The following SRD5A1 variants were observed in gnomAD, a reference collection of about 807,000 sequenced individuals.
SRD5A1 encodes 3-oxo-5-alpha-steroid 4-dehydrogenase 1.
SRD5A1 carries 22 observed loss-of-function variants against 28.2 expected under a neutral mutation model. That is an observed-to-expected ratio of 0.78 (90% CI 0.56 to 1.12). The LOEUF is 1.12. Among genes scored for constraint, SRD5A1 ranks in the 50% most tolerant of loss-of-function variants. SRD5A1 has a pLI of 0.00. For missense variants in SRD5A1, 300 were observed against 346.7 expected (o/e 0.87, Z 1.07); for synonymous variants, 151 against 135.0 (o/e 1.12, Z -0.82).
At chr5:6,661,647 G>A (rs1355930430) in intron 3 of SRD5A1, among the ~76,000 whole-genome samples, 4 of 150,120 alleles carry the variant, frequency 2.7e-5, no homozygotes, top group East Asian at 4.0e-4. Flanking sequence ...ATTCTCATGC[G>A]TCAGCCTCCC....
At chr5:6,638,954 A>G (rs750847708) in intron 1 of SRD5A1, among the ~76,000 whole-genome samples, 1 of 152,254 alleles carries the variant, frequency 6.6e-6, no homozygotes, top group Non-Finnish European at 1.5e-5. Flanking sequence ...ACATTTAAAA[A>G]TTATTAAATC....
Position 6,668,203 on chromosome 5 carries a change from TG to T in SRD5A1, c.717del (p.Trp239CysfsTer16). ...CCTTTTTTAATTTTTTTTTCTTAGG[TG>T]GTACCTCCGGAAATTTGAAGAGTAT... ...LSGRAKEHHE[W>X]YLRKFEEYPK... is the part of the protein sequence containing the mutation. On this transcript the variant is annotated frameshift_variant and splice_region_variant, in exon 5 of 5. Coordinates refer to ENST00000274192, the MANE Select transcript of SRD5A1 (RefSeq NM_001047.4). LOFTEE classifies it high-confidence loss of function. The T allele has an allele frequency of 6.4e-7, 1 of 1,568,532 alleles. No individual in the cohort carries two copies. Among genetic ancestry groups the T allele is most frequent in the South Asian group, 1.2e-5 (1 of 83,964 alleles).
chr5:6,639,219 G>A (rs1176938205), intron 1 of SRD5A1, among the ~76,000 whole-genome samples: 2 of 152,168 alleles, frequency 1.3e-5, no homozygotes, highest in South Asian at 2.1e-4. Context: ...CTTGCAAGAC[G>A]ACAAAACCCA....
chr5:6,660,340 G>A (rs248799), intron 3 of SRD5A1, among the ~76,000 whole-genome samples: 1 of 152,150 alleles, frequency 6.6e-6, no homozygotes, highest in South Asian at 2.1e-4. Context: ...AAGAGAGAAG[G>A]TTCACTGAGC....
chr5:6,668,217 A>G lies in SRD5A1; in HGVS notation c.729A>G (p.Lys243=), dbSNP rs776773799. 2.5e-6 allele frequency: 4 copies of G among 1,583,392 alleles called. No homozygotes were observed. The East Asian group carries it at 6.8e-5, about 27-fold the overall frequency. ...TTTTTCTTAGGTGGTACCTCCGGAA[A>G]TTTGAAGAGTATCCAAAGTTCAGAA... The part of the protein sequence containing the change: ...AKEHHEWYLR[K]FEEYPKFRKI... Residue 243 remains lysine (K), a synonymous_variant, in exon 5 of 5, where the codon AAA becomes AAG. Coordinates refer to ENST00000274192, the MANE Select transcript of SRD5A1 (RefSeq NM_001047.4).
Position 6,633,683 on chromosome 5 carries a change from CAG to C in SRD5A1, c.108_109del (p.Tyr38ArgfsTer89), listed in dbSNP as rs1489726635. ...TTCGCGCGCAATCGTCAGACGAACT[CAG>C]TGTACGGCCGCCACGCGCTGCCCAG... On this transcript the variant is annotated frameshift_variant, in exon 1 of 5. Transcript: ENST00000274192. LOFTEE classifies it high-confidence loss of function. 1.2e-5 allele frequency: 19 copies of C among 1,586,628 alleles called. No individual in the cohort carries two copies. Among genetic ancestry groups the C allele is most frequent in the Admixed American group, 1.7e-5 (1 of 58,324 alleles).
chr5:6,666,296 C>T (rs960112842), intron 4 of SRD5A1, among the ~76,000 whole-genome samples: 8 of 152,014 alleles, frequency 5.3e-5, no homozygotes, highest in Non-Finnish European at 2.9e-5. Context: ...TACAGGTGCC[C>T]GCCACCATGC....
chr5:6,673,070 T>TG lies in SRD5A1; in HGVS notation c.*4806dup, dbSNP rs1264305132. On this transcript the variant is annotated 3_prime_UTR_variant, in exon 5 of 5. Transcript: ENST00000274192. ...AACTCCGTTCCCAATTCAGATCCTC[T>TG]GGGGAGGGCATCAATTATTTCCTAT... 2.0e-5 allele frequency: 3 copies of TG among 152,316 alleles called. No homozygotes were observed. Among genetic ancestry groups the TG allele is most frequent in the African/African-American group, 7.2e-5 (3 of 41,562 alleles). 9.4% of individuals were successfully genotyped at this position (152,316 alleles called of 1,614,324 possible).
intron 1 of SRD5A1, among the ~76,000 whole-genome samples, chr5:6,643,848 G>T (rs1738431783): frequency 6.6e-6 from 1 of 152,214 alleles, no homozygotes; most frequent in African/African-American, 2.4e-5. Context: ...TGGCCTCTGT[G>T]CCTTAAATGT....
intron 4 of SRD5A1, among the ~76,000 whole-genome samples, chr5:6,665,422 G>A (rs976513914): frequency 6.6e-6 from 1 of 152,224 alleles, no homozygotes; most frequent in African/African-American, 2.4e-5. Context: ...GAAAGTAAGG[G>A]CAGGAGTATG....
chr5:6,661,410 A>AG (rs11402127), intron 3 of SRD5A1, among the ~76,000 whole-genome samples: 2 of 150,054 alleles, frequency 1.3e-5, no homozygotes, highest in African/African-American at 4.9e-5. Flanking sequence ...AAAAAAAAAA[A>AG]GGTAGCCAAA....
chr5:6,633,608 G>C lies in SRD5A1; in HGVS notation c.32G>C (p.Arg11Pro), dbSNP rs1385654823. MATATGVAEE[R>P]LLAALAYLQC... is the part of the protein sequence containing the mutation. ...ACGGCGACGGGGGTGGCGGAGGAGC[G>C]CCTGCTGGCCGCGCTCGCCTACCTG... The change falls in exon 1 of 5, where the codon CGC becomes CCC. Residue 11 changes from arginine (R) to proline (P), a missense_variant. By Grantham distance (103) the Arg-to-Pro change is moderately radical. Coordinates refer to ENST00000274192, the MANE Select transcript of SRD5A1 (RefSeq NM_001047.4). The C allele has an allele frequency of 1.3e-6, 2 of 1,525,458 alleles. No homozygotes were observed. The highest frequency in any genetic ancestry group is 2.0e-5 in the Admixed American group (1 of 50,270). The allele number at this position is 1,525,458 out of a possible 1,614,324, so 94.5% of individuals were successfully genotyped here. A position where few individuals can be genotyped will look rare whatever the true frequency, so the allele number is the denominator to read the frequency against.
At chr5:6,645,994 G>C (rs1463157522) in intron 1 of SRD5A1, among the ~76,000 whole-genome samples, 1 of 151,480 alleles carries the variant, frequency 6.6e-6, no homozygotes, top group African/African-American at 2.4e-5. Flanking sequence ...TCCTTCCCCC[G>C]ATCCCCCACC....
chr5:6,664,279 G>A (rs1739095421), intron 4 of SRD5A1, among the ~76,000 whole-genome samples: 1 of 152,134 alleles, frequency 6.6e-6, no homozygotes, highest in African/African-American at 2.4e-5. Flanking sequence ...GCTAAAAGAA[G>A]AATAGATTGA....
At chr5:6,660,765 T>A (rs1446646176) in intron 3 of SRD5A1, among the ~76,000 whole-genome samples, 2 of 152,230 alleles carry the variant, frequency 1.3e-5, no homozygotes, top group Non-Finnish European at 2.9e-5. Context: ...GTTTTCACTC[T>A]GCTATAAAGA....
chr5:6,667,662 C>G (rs180727557), intron 4 of SRD5A1, among the ~76,000 whole-genome samples: 91 of 152,290 alleles, frequency 6.0e-4, no homozygotes, highest in African/African-American at 2.1e-3. Flanking sequence ...ATGTTTGTTT[C>G]GAGCACAAGG....
intron 3 of SRD5A1, among the ~76,000 whole-genome samples, chr5:6,660,531 C>T (rs1158344346): frequency 6.6e-6 from 1 of 152,214 alleles, no homozygotes; most frequent in Non-Finnish European, 1.5e-5. Flanking sequence ...GAAGCAGTTA[C>T]AGAAATGGGT....
Position 6,673,665 on chromosome 5 carries a change from A to C in SRD5A1, c.*5397A>C, listed in dbSNP as rs1739425554. ...TAGCAGCTTTACTCAAAATTGCCAA[A>C]AATTGGAAGCAACCAAGATGTCCTT... On this transcript the variant is annotated 3_prime_UTR_variant, in exon 5 of 5. Coordinates refer to ENST00000274192, the MANE Select transcript of SRD5A1 (RefSeq NM_001047.4). The C allele has an allele frequency of 6.6e-6, 1 of 152,272 alleles. No individual in the cohort carries two copies. Among genetic ancestry groups the C allele is most frequent in the Admixed American group, 6.5e-5 (1 of 15,288 alleles). The allele number at this position is 152,272 out of a possible 1,614,324, so 9.4% of individuals were successfully genotyped here. A position where few individuals can be genotyped will look rare whatever the true frequency, so the allele number is the denominator to read the frequency against.
intron 4 of SRD5A1, 136 bp downstream of exon 4, chr5:6,663,102 A>G (rs1739060668): frequency 9.4e-7 from 1 of 1,064,584 alleles, no homozygotes; most frequent in Admixed American, 2.4e-5. Flanking sequence ...AAACAAGTAC[A>G]AAACCAAATA....
Sources: gnomAD v4.1 joint callset for allele counts (sites outside exome capture counted in the v4.1 genomes callset) on GRCh38, gnomAD v4.1.1 for gene constraint, MANE v1.5 for transcripts, NCBI Gene and HGNC (gene_info 2026-07-23, HGNC 2026-07-21) for gene names.